OR2M4: variants seen among roughly 807,000 people sequenced by gnomAD.
The protein encoded by OR2M4 is olfactory receptor family 2 subfamily M member 4, also known as olfactory receptor 2M4.
OR2M4 carries 8 observed loss-of-function variants against 13.7 expected under a neutral mutation model. That is an observed-to-expected ratio of 0.58 (90% CI 0.34 to 1.05). The LOEUF (loss-of-function observed/expected upper bound fraction) is 1.05, where lower values mean the gene tolerates loss of function less well. OR2M4 is among the 50% of genes least tolerant of loss of function. OR2M4 has a pLI of 0.02. For missense variants in OR2M4, 374 were observed against 381.6 expected, an observed-to-expected ratio of 0.98 and a Z score of 0.17; for synonymous variants, 152 against 141.3, an observed-to-expected ratio of 1.08 and a Z score of -0.53.
Position 248,240,060 on chromosome 1 carries a change from G to T in OR2M4, c.*196G>T, listed in dbSNP as rs919085863. On this transcript the variant is annotated 3_prime_UTR_variant, in exon 2 of 2. Transcript: ENST00000641868. ...CTAGATTTGGATGTTAGTATAAGTG[G>T]TTTAATCCCTGTGAATGACAATTAT... is the stretch of plus-strand genomic sequence containing the variant. 2.2e-6 allele frequency: 1 copy of T among 457,234 alleles called. No individual in the cohort carries two copies. Among genetic ancestry groups the T allele is most frequent in the Non-Finnish European group, 3.8e-6 (1 of 261,266 alleles). 28.3% of individuals were successfully genotyped at this position (457,234 alleles called of 1,614,324 possible). A position where few individuals can be genotyped will look rare whatever the true frequency, so the allele number is the denominator to read the frequency against.
intron 1 of OR2M4, among the ~76,000 whole-genome samples, chr1:248,233,539 A>G (rs1171575183): frequency 6.6e-6 from 1 of 152,192 alleles, no homozygotes; most frequent in Non-Finnish European, 1.5e-5. Flanking sequence ...TAAAAAATAA[A>G]CACCAAGGAT....
intron 1 of OR2M4, among the ~76,000 whole-genome samples, chr1:248,238,630 G>A (rs1032071590): frequency 2.6e-5 from 4 of 152,140 alleles, no homozygotes; most frequent in African/African-American, 4.8e-5. Context: ...TCTATTGACT[G>A]TACATGTGGG....
At chr1:248,238,340 A>G (rs1666578512) in intron 1 of OR2M4, among the ~76,000 whole-genome samples, 1 of 152,234 alleles carries the variant, frequency 6.6e-6, no homozygotes, top group South Asian at 2.1e-4. Context: ...GGTCTGAGAT[A>G]GAAAAGTTAA....
chr1:248,238,396 C>T (rs1365380029), intron 1 of OR2M4, among the ~76,000 whole-genome samples: 1 of 152,040 alleles, frequency 6.6e-6, no homozygotes, highest in Non-Finnish European at 1.5e-5. Context: ...GTACAGGTGT[C>T]CCCAAGGAGT....
rs1274738193 is a variant in OR2M4 at position 248,243,204 on chromosome 1, C to T, written c.*3340C>T. On this transcript the variant is annotated 3_prime_UTR_variant, in exon 2 of 2. Transcript: ENST00000641868. ...TTTATACATAAAATGTAAAATATATCGTTATTAATTTTTAAGGTTGCTTGC... is the reference window on the plus strand; with the variant it reads ...TTTATACATAAAATGTAAAATATATTGTTATTAATTTTTAAGGTTGCTTGC... The T allele has an allele frequency of 6.6e-6, 1 of 151,976 alleles. No homozygotes were observed. Among genetic ancestry groups the T allele is most frequent in the Non-Finnish European group, 1.5e-5 (1 of 68,002 alleles). The allele number at this position is 151,976 out of a possible 1,614,324, so 9.4% of individuals were successfully genotyped here.
At chr1:248,234,085 C>A (rs994169825) in intron 1 of OR2M4, among the ~76,000 whole-genome samples, 5 of 152,148 alleles carry the variant, frequency 3.3e-5, no homozygotes, top group African/African-American at 1.2e-4. Context: ...AATGCAAAAT[C>A]ATTTTACTTC....
Position 248,239,871 on chromosome 1 carries a change from C to A in OR2M4, c.*7C>A. ...GAAAAGAAAGTTAATATGACCTTAT[C>A]AAAATCTTTTTGAGTGCCTACTGTG... is the stretch of plus-strand genomic sequence containing the variant. On this transcript the variant is annotated 3_prime_UTR_variant, in exon 2 of 2. Transcript: ENST00000641868. 1 of 1,554,374 alleles carries A rather than the reference C, an allele frequency of 6.4e-7. No individual in the cohort carries two copies. Among genetic ancestry groups the A allele is most frequent in the South Asian group, 1.2e-5 (1 of 81,576 alleles).
Position 248,243,977 on chromosome 1 carries a change from A to C in OR2M4, c.*4113A>C, listed in dbSNP as rs1166014963. 5 of 152,222 alleles carry C rather than the reference A, an allele frequency of 3.3e-5. No homozygotes were observed. The highest frequency in any genetic ancestry group is 5.9e-5 in the Non-Finnish European group (4 of 68,038). The allele number at this position is 152,222 out of a possible 1,614,324, so 9.4% of individuals were successfully genotyped here. A position where few individuals can be genotyped will look rare whatever the true frequency, so the allele number is the denominator to read the frequency against. Reference sequence around the variant, plus strand: ...CATAGTTAGTTATGAGAGAAATGCAAATCAAAACCTAAATGAGAGACCATC... The same window carrying C: ...CATAGTTAGTTATGAGAGAAATGCACATCAAAACCTAAATGAGAGACCATC... On this transcript the variant is annotated 3_prime_UTR_variant, in exon 2 of 2. Coordinates refer to ENST00000641868, the MANE Select transcript of OR2M4 (RefSeq NM_017504.2).
In OR2M4 at chr1:248,238,849, C is replaced by T. The variant is rs896285021; in HGVS notation, c.-19-61C>T. ...ATATAAACTGCCCAGTAGAGTATGT[C>T]ACAGTATGTGTTTGAAAACTGAATT... On this transcript the variant is annotated intron_variant, in intron 1 of 1. Transcript: ENST00000641868. The T allele has an allele frequency of 5.6e-6, 6 of 1,069,940 alleles. No individual in the cohort carries two copies. The Admixed American group carries it at 7.0e-5, about 12-fold the overall frequency. 66.3% of individuals were successfully genotyped at this position (1,069,940 alleles called of 1,614,324 possible).
rs756132003 is a variant in OR2M4, at chr1:248,239,386, C to G, written c.458C>G (p.Ser153Cys). 1.9e-6 allele frequency: 3 copies of G among 1,614,080 alleles called. No homozygotes were observed. The stretch of plus-strand genomic sequence containing the variant: ...ACTGTTGCTTCCTGGACCTTGGGGT[C>G]TCTTGATGGGATCATAGTGCTTGCA... The part of the protein sequence containing the change: ...FMTVASWTLG[S>C]LDGIIVLAAV... Residue 153 changes from serine (S) to cysteine (C), a missense_variant, in exon 2 of 2, where the codon TCT becomes TGT. Coordinates refer to ENST00000641868, the MANE Select transcript of OR2M4 (RefSeq NM_017504.2).
chr1:248,237,320 A>C (rs1375157330), intron 1 of OR2M4, among the ~76,000 whole-genome samples: 3 of 152,152 alleles, frequency 2.0e-5, no homozygotes, highest in African/African-American at 7.2e-5. Context: ...CAATAGACAC[A>C]GAAAAGGCCT....
chr1:248,238,440 C>T (rs1200875822), intron 1 of OR2M4, among the ~76,000 whole-genome samples: 1 of 151,916 alleles, frequency 6.6e-6, no homozygotes, highest in East Asian at 1.9e-4. Context: ...CTTCACTGGG[C>T]TGCAGGTAGG....
chr1:248,232,919 T>C (rs1168085612), intron 1 of OR2M4, among the ~76,000 whole-genome samples: 3 of 152,152 alleles, frequency 2.0e-5, no homozygotes, highest in Non-Finnish European at 4.4e-5. Context: ...AATGAATGTG[T>C]CACCAGCTGA....
At chr1:248,236,872 C>T (rs4390207) in intron 1 of OR2M4, among the ~76,000 whole-genome samples, 122,607 of 152,110 alleles carry the variant, frequency 0.81, 49,811 homozygotes, top group African/African-American at 0.91. Flanking sequence ...AGGAAGAAAT[C>T]GAATCCTTGA....
At chr1:248,238,621 C>T (rs1384154481) in intron 1 of OR2M4, among the ~76,000 whole-genome samples, 1 of 152,132 alleles carries the variant, frequency 6.6e-6, no homozygotes, top group East Asian at 1.9e-4. Flanking sequence ...CCTAGGTTTT[C>T]TATTGACTGT....
rs1019476492 is a variant in OR2M4, at chr1:248,243,309, C to T, written c.*3445C>T. The T allele has an allele frequency of 2.0e-5, 3 of 152,062 alleles. No homozygotes were observed. Among genetic ancestry groups the T allele is most frequent in the African/African-American group, 7.3e-5 (3 of 41,364 alleles). The allele number at this position is 152,062 out of a possible 1,614,324, so 9.4% of individuals were successfully genotyped here. On this transcript the variant is annotated 3_prime_UTR_variant, in exon 2 of 2. Coordinates refer to ENST00000641868, the MANE Select transcript of OR2M4 (RefSeq NM_017504.2). ...GTTTGGGCTGTAATCCAGTAGATGG[C>T]GCCTAAGAGTAATGCCCGTAGAGAG...
At chr1:248,238,707 TGTATAC>T (rs1364601501) in intron 1 of OR2M4, among the ~76,000 whole-genome samples, 197 bp from the exon 2 acceptor site, 1 of 152,164 alleles carries the variant, frequency 6.6e-6, no homozygotes, top group Admixed American at 6.5e-5. Context: ...ATGTACTCCA[TGTATAC>T]TCTGTGAAAG....
chr1:248,232,411 GT>G (rs373029199), intron 1 of OR2M4, among the ~76,000 whole-genome samples: 27 of 152,174 alleles, frequency 1.8e-4, no homozygotes, highest in African/African-American at 6.3e-4. Context: ...AGTTTATGTG[GT>G]TTCTCCTTCT....
Position 248,239,828 on chromosome 1 carries a change from A to C in OR2M4, c.900A>C (p.Ala300=). The C allele has an allele frequency of 6.2e-7, 1 of 1,609,128 alleles. No individual in the cohort carries two copies. The change falls in exon 2 of 2, where the codon GCA becomes GCC. Residue 300 remains alanine (A), a synonymous_variant. Transcript: ENST00000641868. The stretch of plus-strand genomic sequence containing the variant: ...TCCGCAACAAAGAAGTGTTCAGGGC[A>C]CTACAGAAGGTACTGAAGAAAAGAA... The part of the protein sequence containing the change: ...YSLRNKEVFR[A]LQKVLKKRKL...
Sources: gnomAD v4.1 joint callset for allele counts (sites outside exome capture counted in the v4.1 genomes callset) on GRCh38, gnomAD v4.1.1 for gene constraint, MANE v1.5 for transcripts, NCBI Gene and HGNC (gene_info 2026-07-23, HGNC 2026-07-21) for gene names.